The following ANK2 variants were observed in gnomAD, a reference collection of about 807,000 sequenced individuals.
ANK2 encodes the protein ankyrin-2.
A neutral mutation model predicts 360.5 loss-of-function variants in ANK2; 83 were observed. The observed-to-expected ratio is 0.23, with a 90% CI of 0.19 to 0.28. The LOEUF is 0.28. Among genes scored for constraint, ANK2 ranks in the 10% least tolerant of loss-of-function variants. ANK2 has a pLI of 1.00. For missense variants in ANK2, 4,201 were observed against 4,795.7 expected, an observed-to-expected ratio of 0.88 and a Z score of 3.66; for synonymous variants, 1,740 against 1,759.5, an observed-to-expected ratio of 0.99 and a Z score of 0.28.
At chr4:113,098,912 A>G (rs111550021) in intron 1 of ANK2, among the ~76,000 whole-genome samples, 125 of 152,092 alleles carry the variant, frequency 8.2e-4, no homozygotes, top group African/African-American at 2.6e-3. Flanking sequence ...GTATGATCAT[A>G]TAAGTGAAGG....
intron 1 of ANK2, among the ~76,000 whole-genome samples, chr4:113,121,504 T>G (rs868707762): frequency 6.6e-6 from 1 of 152,172 alleles, no homozygotes; most frequent in African/African-American, 2.4e-5. Flanking sequence ...CGTGTTGGGA[T>G]TCTATCAAAA....
chr4:113,120,856 G>A (rs1412425847), intron 1 of ANK2, among the ~76,000 whole-genome samples: 2 of 152,080 alleles, frequency 1.3e-5, no homozygotes, highest in Non-Finnish European at 2.9e-5. Context: ...AGAACATAAA[G>A]TATATATTTA....
intron 14 of ANK2, 32 bp downstream of exon 14, chr4:113,265,027 T>C: frequency 6.5e-7 from 1 of 1,540,968 alleles, no homozygotes; most frequent in Non-Finnish European, 8.8e-7. Flanking sequence ...TTCTCTTCTA[T>C]CGCAGCGCAT....
intron 1 of ANK2, among the ~76,000 whole-genome samples, chr4:112,868,032 G>A (rs2071373326): frequency 6.6e-6 from 1 of 151,820 alleles, no homozygotes; most frequent in South Asian, 2.1e-4. Context: ...ATAATATGAG[G>A]GCTCTAATTT....
At chr4:112,821,499 A>ATTTTT (rs952095787) in intron 1 of ANK2, among the ~76,000 whole-genome samples, 2 of 144,492 alleles carry the variant, frequency 1.4e-5, no homozygotes, top group African/African-American at 2.5e-5. Context: ...GACTACCCTA[A>ATTTTT]TTTTTTTTTT....
chr4:112,743,947 G>A, the ANK2 span, among the ~76,000 whole-genome samples: 16 of 151,898 alleles, frequency 1.1e-4, 1 homozygote, highest in South Asian at 1.9e-3. Context: ...TCCTGCCTCA[G>A]CCTCCCGAGT....
chr4:112,862,828 G>A (rs1332479592), intron 1 of ANK2, among the ~76,000 whole-genome samples: 1 of 151,916 alleles, frequency 6.6e-6, no homozygotes, highest in Non-Finnish European at 1.5e-5. Flanking sequence ...AGGATGAGGC[G>A]AGATGGAGTG....
the ANK2 span, among the ~76,000 whole-genome samples, chr4:112,719,495 G>A: frequency 6.6e-6 from 1 of 152,050 alleles, no homozygotes; most frequent in African/African-American, 2.4e-5. Context: ...TTGGGAGGCC[G>A]AGGTGGGTGG....
At chr4:112,723,889 G>A in the ANK2 span, among the ~76,000 whole-genome samples, 2 of 151,996 alleles carry the variant, frequency 1.3e-5, no homozygotes, top group Non-Finnish European at 2.9e-5. Flanking sequence ...TATATGCATT[G>A]CATTACTAAA....
At position 113,049,756 on chromosome 4, in the gene ANK2, A is replaced by G. The variant is rs1440598505; in HGVS notation, c.28A>G (p.Ser10Gly). Reference sequence around the variant, plus strand: ...GATGAACGAAGATGCAGCTCAGAAAAGCGACAGTGGAGAGAAGTTCAACGG... The same window carrying G: ...GATGAACGAAGATGCAGCTCAGAAAGGCGACAGTGGAGAGAAGTTCAACGG... MMNEDAAQK[S>G]DSGEKFNGSS... Residue 10 changes from serine (S) to glycine (G), a missense_variant, in exon 1 of 46, where the codon AGC becomes GGC. By Grantham distance (56) the Ser-to-Gly change is moderately conservative. Transcript: ENST00000357077. The G allele has an allele frequency of 1.9e-6, 3 of 1,613,168 alleles. No homozygotes were observed. Among genetic ancestry groups the G allele is most frequent in the South Asian group, 2.2e-5 (2 of 91,068 alleles).
intron 1 of ANK2, among the ~76,000 whole-genome samples, chr4:113,088,711 G>A (rs2086158970): frequency 6.6e-6 from 1 of 152,032 alleles, no homozygotes; most frequent in South Asian, 2.1e-4. Context: ...ATCTGTAGAT[G>A]GGCCTTTATA....
At chr4:113,038,934 A>C (rs1266139229) in intron 2 of ANK2, among the ~76,000 whole-genome samples, 2 of 152,102 alleles carry the variant, frequency 1.3e-5, no homozygotes, top group Non-Finnish European at 2.9e-5. Flanking sequence ...CACATGTATC[A>C]GAATGAATCA....
At chr4:113,022,489 C>A (rs998597143) in intron 2 of ANK2, among the ~76,000 whole-genome samples, 9 of 152,128 alleles carry the variant, frequency 5.9e-5, no homozygotes, top group African/African-American at 2.2e-4. Context: ...AGTCTAGCAT[C>A]TTAGTCGCAT....
At chr4:113,105,642 T>G (rs1172973531) in intron 1 of ANK2, among the ~76,000 whole-genome samples, 1 of 152,218 alleles carries the variant, frequency 6.6e-6, no homozygotes, top group African/African-American at 2.4e-5. Flanking sequence ...GGTTCATTTG[T>G]GAAACAATTT....
chr4:112,712,661 C>T, the ANK2 span, among the ~76,000 whole-genome samples: 1 of 150,904 alleles, frequency 6.6e-6, no homozygotes, highest in Non-Finnish European at 1.5e-5. Context: ...CCCACCTTGG[C>T]CTCCCAAAGT....
chr4:113,169,028 G>A (rs1277090457), intron 1 of ANK2, among the ~76,000 whole-genome samples: 2 of 152,048 alleles, frequency 1.3e-5, no homozygotes, highest in African/African-American at 2.4e-5. Flanking sequence ...ACACAGTAAC[G>A]CCAGGAATCT....
intron 2 of ANK2, among the ~76,000 whole-genome samples, chr4:112,915,787 A>G (rs1289175622): frequency 1.3e-5 from 2 of 151,584 alleles, no homozygotes; most frequent in Non-Finnish European, 2.9e-5. Context: ...TAAATAATAA[A>G]TACATTTTTT....
intron 4 of ANK2, among the ~76,000 whole-genome samples, chr4:113,231,646 C>T (rs1433104842): frequency 6.6e-6 from 1 of 151,618 alleles, no homozygotes; most frequent in Non-Finnish European, 1.5e-5. Context: ...CTCTGTCACC[C>T]AGGCTGGAGT....
intron 1 of ANK2, among the ~76,000 whole-genome samples, chr4:113,084,946 T>C (rs1192793656): frequency 6.6e-6 from 1 of 152,202 alleles, no homozygotes; most frequent in Non-Finnish European, 1.5e-5. Context: ...TATGAGACTA[T>C]CAGTGTTTAA....
Sources: allele counts gnomAD v4.1 joint callset (sites outside exome capture counted in the v4.1 genomes callset), GRCh38; gene constraint gnomAD v4.1.1; transcripts MANE v1.5; gene names NCBI Gene and HGNC (gene_info 2026-07-23, HGNC 2026-07-21).